The following EFCAB14 variants were observed in gnomAD, a reference collection of about 807,000 sequenced individuals.
EFCAB14 encodes EF-hand calcium-binding domain-containing protein 14.
EFCAB14 carries 43 observed loss-of-function variants against 56.5 expected under a neutral mutation model. The observed-to-expected ratio is 0.76, with a 90% CI of 0.60 to 0.98. EFCAB14 has a LOEUF of 0.98. Ranked by LOEUF, EFCAB14 falls within the 50% of genes least tolerant of loss-of-function variation. EFCAB14 has a pLI of 0.00. For synonymous variants in EFCAB14, 235 were observed against 212.9 expected, an observed-to-expected ratio of 1.10 and a Z score of -0.90; for missense variants, 538 against 580.3, an observed-to-expected ratio of 0.93 and a Z score of 0.75.
chr1:46,691,898 G>A lies in EFCAB14; in HGVS notation c.619C>T (p.Leu207Phe), dbSNP rs141692192. ...SIGNTLNSVH[L>F]AVEALQKTVD... ...GTTTTCTGTAGTGCTTCCACAGCAA[G>A]ATGGACGCTGTTTAAAGTATTGCCA... The change falls in exon 5 of 11, where the codon CTT becomes TTT. Residue 207 changes from leucine (L) to phenylalanine (F), a missense_variant. Coordinates refer to ENST00000371933, the MANE Select transcript of EFCAB14 (RefSeq NM_014774.3). 1.7e-5 allele frequency: 27 copies of A among 1,613,428 alleles called. No homozygotes were observed. The highest frequency in any genetic ancestry group is 1.6e-4 in the Middle Eastern group (1 of 6,076).
chr1:46,697,862 T>C (rs1379226501), intron 3 of EFCAB14, among the ~76,000 whole-genome samples: 2 of 151,418 alleles, frequency 1.3e-5, no homozygotes, highest in Non-Finnish European at 2.9e-5. Context: ...CTCTTTTTTT[T>C]TTTTTTTTTG....
At chr1:46,694,791 C>T (rs983771657) in intron 4 of EFCAB14, among the ~76,000 whole-genome samples, 19 of 152,042 alleles carry the variant, frequency 1.2e-4, no homozygotes, top group African/African-American at 3.4e-4. Context: ...ATGTTTATTG[C>T]GGCACTATTC....
rs1197618042 is a variant in EFCAB14 at position 46,688,490 on chromosome 1, A to G, written c.850T>C (p.Tyr284His). ...AGTTTAAGATCATTCTGTCTCTGGT[A>G]CCCCACTAGGGCACTGTTTACCTCC... ...LEEVNSALVG[Y>H]QRQNDLKLEG... The change falls in exon 7 of 11, where the codon TAC becomes CAC. Residue 284 changes from tyrosine to histidine, a missense_variant. By Grantham distance (83) the Tyr-to-His change is moderately conservative. Coordinates refer to ENST00000371933, the MANE Select transcript of EFCAB14 (RefSeq NM_014774.3). The G allele has an allele frequency of 6.2e-7, 1 of 1,613,814 alleles. No individual in the cohort carries two copies. Among genetic ancestry groups the G allele is most frequent in the South Asian group, 1.1e-5 (1 of 91,062 alleles).
chr1:46,693,550 C>T (rs984463257), intron 4 of EFCAB14, among the ~76,000 whole-genome samples: 2 of 152,120 alleles, frequency 1.3e-5, no homozygotes, highest in East Asian at 3.9e-4. Flanking sequence ...AGCTCTGTTG[C>T]TATCTATGTA....
At chr1:46,704,185 G>A (rs975403358) in intron 3 of EFCAB14, among the ~76,000 whole-genome samples, 1 of 151,802 alleles carries the variant, frequency 6.6e-6, no homozygotes, top group African/African-American at 2.4e-5. Context: ...GGGGGCAGTG[G>A]CTCACATGTG....
At chr1:46,707,820 A>T (rs1043249987) in intron 3 of EFCAB14, 86 bp downstream of exon 3, 2 of 1,346,356 alleles carry the variant, frequency 1.5e-6, no homozygotes, top group African/African-American at 3.0e-5. Flanking sequence ...TGAATTCCCT[A>T]TACCTACAAT....
chr1:46,717,816 G>T, intron 1 of EFCAB14, 87 bp downstream of exon 1: 1 of 1,433,202 alleles, frequency 7.0e-7, no homozygotes, highest in Non-Finnish European at 9.5e-7. Context: ...TTCTTCCTAA[G>T]GACTTCCTTT....
chr1:46,717,960 G>A lies in EFCAB14; in HGVS notation c.128C>T (p.Ser43Phe), dbSNP rs55769455. 3.7e-6 allele frequency: 6 copies of A among 1,614,168 alleles called. No homozygotes were observed. Among genetic ancestry groups the A allele is most frequent in the Middle Eastern group, 1.7e-4 (1 of 6,052 alleles). The change falls in exon 1 of 11, where the codon TCC becomes TTC. Residue 43 changes from serine (S) to phenylalanine (F), a missense_variant. By Grantham distance (155) the Ser-to-Phe change is radical. Coordinates refer to ENST00000371933, the MANE Select transcript of EFCAB14 (RefSeq NM_014774.3). ...RTEPPDSDSE[S>F]SSEEEEEFGV... ...GAATTCCTCTTCCTCTTCGGAGCTG[G>A]ACTCAGAGTCTGAGTCGGGAGGCTC...
At chr1:46,692,784 T>A (rs1169714921) in intron 4 of EFCAB14, among the ~76,000 whole-genome samples, 1 of 152,256 alleles carries the variant, frequency 6.6e-6, no homozygotes, top group African/African-American at 2.4e-5. Context: ...TTACATGTAG[T>A]GTATACTGAG....
chr1:46,695,372 T>A (rs1410861699), intron 4 of EFCAB14, among the ~76,000 whole-genome samples: 1 of 152,124 alleles, frequency 6.6e-6, no homozygotes, highest in South Asian at 2.1e-4. Flanking sequence ...CCCCTTTTTT[T>A]TCCCCCCGAA....
Position 46,683,357 on chromosome 1 carries a change from C to T in EFCAB14, c.1255G>A (p.Val419Ile), listed in dbSNP as rs756384379. The change falls in exon 10 of 11, where the codon GTT becomes ATT. Residue 419 changes from valine to isoleucine, a missense_variant. Val to Ile is a conservative substitution (Grantham distance 29). Transcript: ENST00000371933. The part of the protein sequence containing the change: ...PKFSQFLGDP[V>I]EKAAQLRPIS... The stretch of plus-strand genomic sequence containing the variant: ...GGTCTTAGTTGGGCAGCTTTCTCAA[C>T]TGGGTCTCCAAGAAACTGTGAAAAT... 4 of 1,614,090 alleles carry T rather than the reference C, an allele frequency of 2.5e-6. No homozygotes were observed. In the South Asian group the frequency reaches 3.3e-5, roughly 13 times the overall value.
chr1:46,716,073 C>T (rs376276776), intron 2 of EFCAB14, among the ~76,000 whole-genome samples: 2 of 151,734 alleles, frequency 1.3e-5, no homozygotes, highest in African/African-American at 4.8e-5. Flanking sequence ...CATGGTGAAA[C>T]CCCGTCTCTA....
chr1:46,687,485 T>C (rs949200702), intron 7 of EFCAB14, among the ~76,000 whole-genome samples: 5 of 152,212 alleles, frequency 3.3e-5, no homozygotes, highest in African/African-American at 1.2e-4. Flanking sequence ...AAGGCTCCAC[T>C]GTGGCAGAGC....
chr1:46,696,672 C>A, intron 3 of EFCAB14, 23 bp from the exon 4 acceptor site: 1 of 1,605,798 alleles, frequency 6.2e-7, no homozygotes, highest in Non-Finnish European at 8.5e-7. Context: ...GAGTAACAAA[C>A]AATGAAAACA....
chr1:46,688,526 T>TTCA lies in EFCAB14; in HGVS notation c.813_814insTGA (p.His271_Asn272insTer). The TTCA allele has an allele frequency of 6.2e-7, 1 of 1,613,452 alleles. No individual in the cohort carries two copies. The highest frequency in any genetic ancestry group is 8.5e-7 in the Non-Finnish European group (1 of 1,179,632). ...GCACTGTTTACCTCCTCTAAAGAGT[T>TTCA]GTGAAGGTACAGGATATCCTAGAGT... is the stretch of plus-strand genomic sequence containing the variant. On this transcript the variant is annotated stop_gained and inframe_insertion, in exon 7 of 11. Coordinates refer to ENST00000371933, the MANE Select transcript of EFCAB14 (RefSeq NM_014774.3). LOFTEE classifies it high-confidence loss of function.
chr1:46,705,643 T>C (rs1051548236), intron 3 of EFCAB14, among the ~76,000 whole-genome samples: 1 of 152,232 alleles, frequency 6.6e-6, no homozygotes, highest in African/African-American at 2.4e-5. Flanking sequence ...TGTCCAGGGC[T>C]GTTTCCTGCT....
chr1:46,700,182 TG>T (rs1177791936), intron 3 of EFCAB14, among the ~76,000 whole-genome samples: 4 of 152,212 alleles, frequency 2.6e-5, no homozygotes, highest in Non-Finnish European at 5.9e-5. Flanking sequence ...CACTAAGTTT[TG>T]GGGTAATTTG....
intron 3 of EFCAB14, among the ~76,000 whole-genome samples, chr1:46,705,076 T>C: frequency 6.6e-6 from 1 of 151,836 alleles, no homozygotes; most frequent in East Asian, 1.9e-4. Flanking sequence ...AATATTACTT[T>C]AATTTTTCTA....
intron 5 of EFCAB14, among the ~76,000 whole-genome samples, chr1:46,690,282 T>TTA (rs1676970191): frequency 6.6e-6 from 1 of 152,210 alleles, no homozygotes; most frequent in Non-Finnish European, 1.5e-5. Flanking sequence ...TATAACATGT[T>TTA]TATATACACT....
Sources: allele counts gnomAD v4.1 joint callset (sites outside exome capture counted in the v4.1 genomes callset), GRCh38; gene constraint gnomAD v4.1.1; transcripts MANE v1.5; gene names NCBI Gene and HGNC (gene_info 2026-07-23, HGNC 2026-07-21).